The following AVEN variants were observed in gnomAD, a reference collection of about 807,000 sequenced individuals.
The protein encoded by AVEN is cell death regulator Aven.
In AVEN, 41 loss-of-function variants were observed where a neutral mutation model predicts 38.1. That is an observed-to-expected ratio of 1.08 (90% confidence interval 0.84 to 1.40). The LOEUF (loss-of-function observed/expected upper bound fraction) is 1.40, where lower values mean the gene tolerates loss of function less well. Ranked by LOEUF, AVEN falls within the 40% of genes most tolerant of loss-of-function variation. AVEN has a pLI of 0.00. For synonymous variants in AVEN, 206 were observed against 171.8 expected (o/e 1.20, Z -1.56); for missense variants, 605 against 438.8 (o/e 1.38, Z -3.38).
intron 5 of AVEN, 64 bp downstream of exon 5, chr15:33,867,416 TGCGGATGTGATGCGG>T (rs1174236286): frequency 4.0e-6 from 6 of 1,508,298 alleles, no homozygotes; most frequent in Non-Finnish European, 5.3e-6. Flanking sequence ...GAGGGATGTG[TGCGGATGTGATGCGG>T]GCGGGGCTGT....
chr15:33,930,305 A>G (rs1185546684), intron 2 of AVEN, among the ~76,000 whole-genome samples: 1 of 151,454 alleles, frequency 6.6e-6, no homozygotes, highest in Admixed American at 6.6e-5. Context: ...TAAGAAGTAA[A>G]GCATTACTCT....
At chr15:33,900,480 G>A (rs1349715390) in intron 2 of AVEN, among the ~76,000 whole-genome samples, 1 of 151,918 alleles carries the variant, frequency 6.6e-6, no homozygotes, top group Non-Finnish European at 1.5e-5. Context: ...GTTGATTTTG[G>A]TAGTTTTTGT....
Position 33,892,688 on chromosome 15 carries a change from G to C in AVEN, c.446-16693C>G, listed in dbSNP as rs566379919. Among the ~76,000 whole-genome samples, 4 of 152,070 alleles carry C rather than the reference G, an allele frequency of 2.6e-5. No homozygotes were observed. The East Asian group carries it at 7.7e-4, about 29-fold the overall frequency. ...AGCTTTGTTCTTTTTACTTAGAATT[G>C]TCTTGGCAATGTGGGCTCTTTTTTG... On this transcript the variant is annotated intron_variant, in intron 2 of 5. Coordinates refer to ENST00000306730, the MANE Select transcript of AVEN (RefSeq NM_020371.3).
chr15:33,863,239 A>G (rs1450384618), downstream of AVEN, among the ~76,000 whole-genome samples: 1 of 152,220 alleles, frequency 6.6e-6, no homozygotes, highest in Non-Finnish European at 1.5e-5. Flanking sequence ...TGTGCTGGGC[A>G]AGGAATGATG....
intron 2 of AVEN, among the ~76,000 whole-genome samples, chr15:33,967,300 C>T (rs1187375562): frequency 2.0e-5 from 3 of 151,946 alleles, no homozygotes; most frequent in African/African-American, 4.8e-5. Flanking sequence ...TCAGAAAAAA[C>T]CTACATAAAG....
chr15:33,940,503 C>A (rs1823562595), intron 2 of AVEN, among the ~76,000 whole-genome samples: 2 of 152,068 alleles, frequency 1.3e-5, no homozygotes, highest in Non-Finnish European at 1.5e-5. Context: ...AAGCAGGTTG[C>A]ACACATAAAG....
At chr15:33,961,649 T>TAA (rs1411706086) in intron 2 of AVEN, among the ~76,000 whole-genome samples, 1 of 150,934 alleles carries the variant, frequency 6.6e-6, no homozygotes, top group East Asian at 2.0e-4. Context: ...CCGTCTCTAC[T>TAA]AAAAACACAA....
At chr15:33,972,923 A>G (rs1895703879) in intron 2 of AVEN, among the ~76,000 whole-genome samples, 1 of 152,200 alleles carries the variant, frequency 6.6e-6, no homozygotes, top group African/African-American at 2.4e-5. Context: ...ATTACAAGTC[A>G]AGCTGAAGTC....
At chr15:33,983,146 GTGTGTGTGTGTGTA>G (rs1332108322) in intron 2 of AVEN, among the ~76,000 whole-genome samples, 7 of 115,290 alleles carry the variant, frequency 6.1e-5, no homozygotes, top group Admixed American at 4.4e-4. Context: ...GTGTGTGTGT[GTGTGTGTGTGTGTA>G]TGTGTGTGTG....
At chr15:33,875,065 C>T (rs575367221) in intron 3 of AVEN, among the ~76,000 whole-genome samples, 1 of 152,254 alleles carries the variant, frequency 6.6e-6, no homozygotes, top group African/African-American at 2.4e-5. Flanking sequence ...CCTCGTAATC[C>T]GTATGCGTCA....
intron 1 of AVEN, among the ~76,000 whole-genome samples, chr15:34,033,899 C>T (rs966399748): frequency 2.0e-5 from 3 of 152,020 alleles, no homozygotes; most frequent in Non-Finnish European, 2.9e-5. Context: ...GCGATTCTCC[C>T]GCCTCAGCCT....
chr15:33,931,349 C>CTTTTTTTTTTTTTTTTTTTTTT (rs71119903), intron 2 of AVEN, among the ~76,000 whole-genome samples: 1 of 89,296 alleles, frequency 1.1e-5, no homozygotes, highest in African/African-American at 5.2e-5. Context: ...TGAATATTTT[C>CTTTTTTTTTTTTTTTTTTTTTT]TTTTTTTTTT....
intron 2 of AVEN, among the ~76,000 whole-genome samples, chr15:33,997,931 C>T (rs779485539): frequency 9.2e-5 from 14 of 152,076 alleles, no homozygotes; most frequent in Non-Finnish European, 1.6e-4. Flanking sequence ...CTATTGTCAC[C>T]CAACATCTAT....
At chr15:33,903,964 A>G (rs375481554) in intron 2 of AVEN, among the ~76,000 whole-genome samples, 1 of 152,234 alleles carries the variant, frequency 6.6e-6, no homozygotes, top group Non-Finnish European at 1.5e-5. Flanking sequence ...GCAGGCAACT[A>G]TAACACAATG....
At chr15:33,882,561 T>TAAAA (rs35267268) in intron 2 of AVEN, among the ~76,000 whole-genome samples, 105 of 149,190 alleles carry the variant, frequency 7.0e-4, no homozygotes, top group South Asian at 2.1e-3. Flanking sequence ...GCAAAAATGT[T>TAAAA]AAAAAAAAAA....
chr15:34,032,259 G>A (rs1436033114), intron 1 of AVEN, among the ~76,000 whole-genome samples: 2 of 152,134 alleles, frequency 1.3e-5, no homozygotes, highest in African/African-American at 4.8e-5. Flanking sequence ...GTCATGCTAT[G>A]GTGTGGTTAG....
exon 1 of AVEN, among the ~76,000 whole-genome samples, chr15:34,074,684 G>A (rs1376008219): frequency 1.3e-5 from 2 of 152,060 alleles, no homozygotes; most frequent in Non-Finnish European, 2.9e-5. Context: ...AGGGTCCACC[G>A]TAATGACTTC....
chr15:34,059,928 G>A (rs756918641), intron 5 of AVEN, among the ~76,000 whole-genome samples: 2 of 152,094 alleles, frequency 1.3e-5, no homozygotes, highest in Admixed American at 6.6e-5. Context: ...CCATGGTATC[G>A]CCAGCATTAG....
At chr15:33,942,586 G>T (rs1010707108) in intron 2 of AVEN, among the ~76,000 whole-genome samples, 1 of 152,076 alleles carries the variant, frequency 6.6e-6, no homozygotes, top group East Asian at 1.9e-4. Context: ...AAGTAGCTGG[G>T]ACTACAGGCA....
Sources: allele counts gnomAD v4.1 joint callset (sites outside exome capture counted in the v4.1 genomes callset), GRCh38; gene constraint gnomAD v4.1.1; transcripts MANE v1.5; gene names NCBI Gene and HGNC (gene_info 2026-07-23, HGNC 2026-07-21).